PSAT1: variants seen among roughly 807,000 people sequenced by gnomAD.
PSAT1 encodes the protein phosphoserine aminotransferase 1, also known as phosphoserine aminotransferase.
Under a neutral mutation model 40.3 loss-of-function variants are expected in PSAT1, and 41 were observed. The observed-to-expected ratio is 1.02, with a 90% CI of 0.79 to 1.32. The LOEUF is 1.32. PSAT1 is among the 40% of genes most tolerant of loss of function. The pLI is 0.00. For synonymous variants in PSAT1, 147 were observed against 170.5 expected (o/e 0.86, Z 1.07); for missense variants, 406 against 455.8 (o/e 0.89, Z 0.99).
chr9:78,319,216 TTAAC>T (rs1828392966), intron 7 of PSAT1, among the ~76,000 whole-genome samples: 1 of 152,368 alleles, frequency 6.6e-6, no homozygotes, highest in Admixed American at 6.5e-5. Flanking sequence ...TAGCCAAGAC[TTAAC>T]TAACACATCT....
At position 78,300,647 on chromosome 9, in the gene PSAT1, G is replaced by C. The variant is rs367577346; in HGVS notation, c.106G>C (p.Gly36Arg). ...GGAATTATTAGACTACAAAGGAGTT[G>C]GCATTAGTGTTCTTGGTAAGATTTA... ...QKELLDYKGV[G>R]ISVLEMSHRS... Residue 36 changes from glycine to arginine, a missense_variant, in exon 2 of 9, where the codon GGC becomes CGC. Coordinates refer to ENST00000376588, the MANE Select transcript of PSAT1 (RefSeq NM_058179.4). 7.5e-5 allele frequency: 120 copies of C among 1,605,002 alleles called. 2 individuals carry two copies. Among genetic ancestry groups the C allele is most frequent in the Non-Finnish European group, 7.1e-5 (84 of 1,176,666 alleles).
chr9:78,304,667 G>GCATC, intron 3 of PSAT1, 68 bp from the exon 4 acceptor site: 1 of 1,438,460 alleles, frequency 7.0e-7, no homozygotes, highest in Non-Finnish European at 9.8e-7. Flanking sequence ...ACTTGGTAGA[G>GCATC]CATCACTTGT....
chr9:78,305,390 C>T (rs1828166697), intron 4 of PSAT1, among the ~76,000 whole-genome samples: 1 of 152,222 alleles, frequency 6.6e-6, no homozygotes, highest in South Asian at 2.1e-4. Flanking sequence ...GCTGGGATTA[C>T]AGGCGTGAGC....
chr9:78,309,628 G>T (rs190379210), intron 6 of PSAT1, among the ~76,000 whole-genome samples: 1 of 152,208 alleles, frequency 6.6e-6, no homozygotes, highest in Non-Finnish European at 1.5e-5. Context: ...CTTCTAAAGC[G>T]TTGGGATTAC....
chr9:78,322,272 G>A (rs1828439357), intron 7 of PSAT1, among the ~76,000 whole-genome samples: 1 of 152,060 alleles, frequency 6.6e-6, no homozygotes, highest in Admixed American at 6.6e-5. Flanking sequence ...TGGGTCTAGC[G>A]AAGACCCTAA....
intron 6 of PSAT1, 59 bp downstream of exon 6, chr9:78,308,642 G>A (rs1030358201): frequency 1.9e-6 from 3 of 1,588,494 alleles, no homozygotes; most frequent in Non-Finnish European, 2.6e-6. Context: ...TTTCATCAAA[G>A]CGGAGGTTAC....
chr9:78,298,656 A>G (rs1326341593), intron 1 of PSAT1, among the ~76,000 whole-genome samples: 4 of 152,156 alleles, frequency 2.6e-5, no homozygotes, highest in Non-Finnish European at 5.9e-5. Flanking sequence ...AATTGTCATC[A>G]GTAATACAAT....
At position 78,317,805 on chromosome 9, in the gene PSAT1, G is replaced by A. The variant is rs1564017781; in HGVS notation, c.869+1G>A. ...TTGATAATTCTCAAGGATTCTACGTGTAAGTCAATGGATTTTATCTCCTAT... is the reference window on the plus strand; with the variant it reads ...TTGATAATTCTCAAGGATTCTACGTATAAGTCAATGGATTTTATCTCCTAT... On this transcript the variant is annotated splice_donor_variant, in intron 7 of 8. Transcript: ENST00000376588. LOFTEE classifies it high-confidence loss of function. 6.2e-7 allele frequency: 1 copy of A among 1,612,252 alleles called. No homozygotes were observed. Among genetic ancestry groups the A allele is most frequent in the Non-Finnish European group, 8.5e-7 (1 of 1,179,632 alleles).
intron 6 of PSAT1, among the ~76,000 whole-genome samples, chr9:78,311,207 G>A (rs1445262306): frequency 1.3e-5 from 2 of 152,146 alleles, no homozygotes; most frequent in East Asian, 3.9e-4. Context: ...AGCGGTGAGG[G>A]TGCAGCTGGG....
At chr9:78,325,140 A>G (rs1232981653) in intron 7 of PSAT1, among the ~76,000 whole-genome samples, 1 of 152,260 alleles carries the variant, frequency 6.6e-6, no homozygotes, top group East Asian at 1.9e-4. Flanking sequence ...CATGCACAGT[A>G]GCTTCAGGGC....
intron 7 of PSAT1, among the ~76,000 whole-genome samples, chr9:78,326,302 TTATTACACA>T (rs1294019797): frequency 1.1e-4 from 16 of 152,084 alleles, no homozygotes; most frequent in African/African-American, 3.4e-4. Flanking sequence ...AAAGAGAGGG[TTATTACACA>T]TTGTACCTTT....
At chr9:78,319,979 CTCATTCACTCATTCAT>C (rs1299664685) in intron 7 of PSAT1, among the ~76,000 whole-genome samples, 1 of 117,034 alleles carries the variant, frequency 8.5e-6, no homozygotes, top group Non-Finnish European at 2.2e-5. Flanking sequence ...TATCCATCCA[CTCATTCACTCATTCAT>C]TCATTCATCC....
chr9:78,308,361 T>C, intron 5 of PSAT1, 53 bp from the exon 6 acceptor site: 3 of 1,580,988 alleles, frequency 1.9e-6, no homozygotes, highest in South Asian at 1.1e-5. Context: ...TTTGCATACA[T>C]GTATGAAAAA....
chr9:78,327,253 G>A (rs900723707), intron 7 of PSAT1, among the ~76,000 whole-genome samples: 13 of 151,720 alleles, frequency 8.6e-5, no homozygotes, highest in South Asian at 2.1e-4. Context: ...GAGCCACCGC[G>A]CTTGGCCATG....
chr9:78,310,381 C>T (rs951361191), intron 6 of PSAT1, among the ~76,000 whole-genome samples: 1 of 152,008 alleles, frequency 6.6e-6, no homozygotes, highest in Non-Finnish European at 1.5e-5. Context: ...TGTGGATTTG[C>T]GTGTGTTTGC....
chr9:78,309,305 G>A (rs567281403), intron 6 of PSAT1, among the ~76,000 whole-genome samples: 4 of 152,284 alleles, frequency 2.6e-5, no homozygotes, highest in South Asian at 2.1e-4. Flanking sequence ...TTTCTCTGTC[G>A]GGCCTGCGGG....
intron 2 of PSAT1, 63 bp downstream of exon 2, chr9:78,300,725 T>TA: frequency 6.6e-7 from 1 of 1,505,418 alleles, no homozygotes; most frequent in Non-Finnish European, 8.8e-7. Context: ...TTTTTTTTTT[T>TA]TTTTTTTAGA....
rs944711574 is a variant in PSAT1 at position 78,329,174 on chromosome 9, A to G, written c.*88A>G. ...GATGGCTACAAAAAGTTAACACAGT[A>G]TTTTTCTCAAATGAACATGTTTATT... On this transcript the variant is annotated 3_prime_UTR_variant, in exon 9 of 9. Transcript: ENST00000376588. 5 of 937,598 alleles carry G rather than the reference A, an allele frequency of 5.3e-6. No individual in the cohort carries two copies. In the African/African-American group the frequency reaches 8.1e-5, roughly 15 times the overall value. The allele number at this position is 937,598 out of a possible 1,614,324, so 58.1% of individuals were successfully genotyped here. A position where few individuals can be genotyped will look rare whatever the true frequency, so the allele number is the denominator to read the frequency against.
At chr9:78,316,239 G>A (rs756313771) in intron 6 of PSAT1, among the ~76,000 whole-genome samples, 1 of 152,178 alleles carries the variant, frequency 6.6e-6, no homozygotes, top group East Asian at 1.9e-4. Context: ...CGTTGGTCTG[G>A]CAGGAAGAAG....
Sources: gnomAD v4.1 joint callset for allele counts (sites outside exome capture counted in the v4.1 genomes callset) on GRCh38, gnomAD v4.1.1 for gene constraint, MANE v1.5 for transcripts, NCBI Gene and HGNC (gene_info 2026-07-23, HGNC 2026-07-21) for gene names.